The following PLEKHH2 variants were observed in gnomAD, a reference collection of about 807,000 sequenced individuals.
The protein encoded by PLEKHH2 is pleckstrin homology, MyTH4 and FERM domain containing H2.
Under a neutral mutation model 187.9 loss-of-function variants are expected in PLEKHH2, and 129 were observed. That is an observed-to-expected ratio of 0.69 (90% CI 0.59 to 0.79). The LOEUF is 0.79. Ranked by LOEUF, PLEKHH2 falls within the 30% of genes least tolerant of loss-of-function variation. The pLI is 0.00. For missense variants in PLEKHH2, 2,076 were observed against 1,751.2 expected (o/e 1.19, Z -3.31); for synonymous variants, 686 against 605.6 (o/e 1.13, Z -1.95).
Position 43,700,074 on chromosome 2 carries a change from T to C in PLEKHH2, c.1116T>C (p.Ser372=), listed in dbSNP as rs1669281942. 6.2e-7 allele frequency: 1 copy of C among 1,614,052 alleles called. No homozygotes were observed. Among genetic ancestry groups the C allele is most frequent in the South Asian group, 1.1e-5 (1 of 91,088 alleles). ...ATAGTCCTCTTGGAAAGGGAAATTC[T>C]GAATTAAGTAAAAAGGAACAAGATA... The part of the protein sequence containing the change: ...ALNSPLGKGN[S]ELSKKEQDSS... Residue 372 remains serine, a synonymous_variant, in exon 8 of 30, where the codon TCT becomes TCC. Coordinates refer to ENST00000282406, the MANE Select transcript of PLEKHH2 (RefSeq NM_172069.4).
At chr2:43,764,951 C>T (rs1471185183) in intron 29 of PLEKHH2, among the ~76,000 whole-genome samples, 1 of 152,238 alleles carries the variant, frequency 6.6e-6, no homozygotes, top group African/African-American at 2.4e-5. Context: ...AAAGAAATTA[C>T]TTCTTCGGAA....
Position 43,710,023 on chromosome 2 carries a change from A to G in PLEKHH2, c.2000A>G (p.Asp667Gly), listed in dbSNP as rs769663211. The G allele has an allele frequency of 1.2e-6, 2 of 1,612,698 alleles. No individual in the cohort carries two copies. The highest frequency in any genetic ancestry group is 1.7e-5 in the Admixed American group (1 of 59,770). ...CTCTCCTCTGTGGCTTCTGAAAGTGATTATGCTATTCCTCCTGATGCTTAC... is the reference window on the plus strand; with the variant it reads ...CTCTCCTCTGTGGCTTCTGAAAGTGGTTATGCTATTCCTCCTGATGCTTAC... The part of the protein sequence containing the change: ...VSLSSVASES[D>G]YAIPPDAYST... The change falls in exon 12 of 30, where the codon GAT becomes GGT. Residue 667 changes from aspartate to glycine, a missense_variant. Physicochemically the swap from Asp to Gly is moderately conservative, Grantham distance 94. Transcript: ENST00000282406.
chr2:43,726,474 A>G (rs765253529), intron 17 of PLEKHH2, 23 bp downstream of exon 17: 3 of 1,552,620 alleles, frequency 1.9e-6, no homozygotes, highest in East Asian at 4.5e-5. Flanking sequence ...TTATTGGTTG[A>G]TTTAGAATGA....
chr2:43,717,987 G>A (rs1231905651), intron 15 of PLEKHH2, among the ~76,000 whole-genome samples: 8 of 152,214 alleles, frequency 5.3e-5, no homozygotes, highest in Non-Finnish European at 1.0e-4. Context: ...GAATGCTACA[G>A]GGATGGGCTT....
chr2:43,651,804 T>G (rs908110259), intron 2 of PLEKHH2, among the ~76,000 whole-genome samples: 19 of 152,220 alleles, frequency 1.2e-4, no homozygotes, highest in Admixed American at 7.9e-4. Flanking sequence ...TGTGAAATAA[T>G]GTATTTGAAA....
Position 43,700,407 on chromosome 2 carries a change from A to T in PLEKHH2, c.1449A>T (p.Arg483Ser). The T allele has an allele frequency of 6.2e-7, 1 of 1,614,132 alleles. No homozygotes were observed. The highest frequency in any genetic ancestry group is 8.5e-7 in the Non-Finnish European group (1 of 1,180,024). ...RNAISMIRPL[R>S]PQETDLDLVD... ...CTATAAGCATGATACGACCACTGAGACCTCAGGAAACTGATCTTGATCTAG... is the reference window on the plus strand; with the variant it reads ...CTATAAGCATGATACGACCACTGAGTCCTCAGGAAACTGATCTTGATCTAG... The change falls in exon 8 of 30, where the codon AGA becomes AGT. Residue 483 changes from arginine (R) to serine (S), a missense_variant. Coordinates refer to ENST00000282406, the MANE Select transcript of PLEKHH2 (RefSeq NM_172069.4).
chr2:43,644,629 T>G (rs1666100112), intron 1 of PLEKHH2, 42 bp from the exon 2 acceptor site: 2 of 1,412,876 alleles, frequency 1.4e-6, no homozygotes, highest in Non-Finnish European at 1.9e-6. Flanking sequence ...CATTTGAATG[T>G]TTTACTTTTT....
chr2:43,653,182 T>C (rs6544684), intron 2 of PLEKHH2, among the ~76,000 whole-genome samples: 97,596 of 151,908 alleles, frequency 0.64, 32,146 homozygotes, highest in African/African-American at 0.77. Flanking sequence ...CCAAGTTGAA[T>C]GTGTCTACCA....
At chr2:43,761,579 T>TC (rs1243602162) in intron 27 of PLEKHH2, among the ~76,000 whole-genome samples, 2 of 151,912 alleles carry the variant, frequency 1.3e-5, no homozygotes, top group Non-Finnish European at 2.9e-5. Flanking sequence ...CCCAGCTGAT[T>TC]TTTGTGTCTT....
At chr2:43,734,702 A>G (rs1671205790) in intron 19 of PLEKHH2, among the ~76,000 whole-genome samples, 2 of 152,268 alleles carry the variant, frequency 1.3e-5, no homozygotes, top group South Asian at 4.1e-4. Flanking sequence ...AGGTTCCTCA[A>G]AAAACTAAAA....
intron 2 of PLEKHH2, among the ~76,000 whole-genome samples, chr2:43,673,153 T>A (rs1217924145): frequency 6.6e-6 from 1 of 152,190 alleles, no homozygotes; most frequent in East Asian, 1.9e-4. Context: ...CTTTCATGGT[T>A]GTCAACTCAG....
rs1448583062 is a variant in PLEKHH2 at position 43,738,611 on chromosome 2, A to G, written c.3123+91A>G. On this transcript the variant is annotated intron_variant, in intron 20 of 29. Coordinates refer to ENST00000282406, the MANE Select transcript of PLEKHH2 (RefSeq NM_172069.4). ...ATACACATTCAGCATAGACATTTGG[A>G]GAATACAAAAAGTGCAGAAGGAAAA... is the stretch of plus-strand genomic sequence containing the variant. The G allele has an allele frequency of 1.1e-5, 14 of 1,285,410 alleles. No individual in the cohort carries two copies. The East Asian group carries it at 1.7e-4, about 15-fold the overall frequency. The allele number at this position is 1,285,410 out of a possible 1,614,324, so 79.6% of individuals were successfully genotyped here. A position where few individuals can be genotyped will look rare whatever the true frequency, so the allele number is the denominator to read the frequency against.
intron 25 of PLEKHH2, among the ~76,000 whole-genome samples, chr2:43,754,165 T>TACACAC (rs373399236): frequency 1.7e-3 from 200 of 118,080 alleles, no homozygotes; most frequent in Non-Finnish European, 2.5e-3. Flanking sequence ...TTCAATCTTC[T>TACACAC]ACACACACAC....
chr2:43,712,508 G>C (rs186103457), intron 15 of PLEKHH2, 125 bp downstream of exon 15: 6 of 1,172,602 alleles, frequency 5.1e-6, no homozygotes, highest in East Asian at 6.0e-5. Flanking sequence ...GATAGGAAAG[G>C]GTGTTTTTAA....
chr2:43,736,939 C>A (rs6753626), intron 19 of PLEKHH2, among the ~76,000 whole-genome samples: 2 of 151,896 alleles, frequency 1.3e-5, no homozygotes, highest in African/African-American at 4.8e-5. Context: ...TGTGTATGTG[C>A]GGAAAGTACC....
At chr2:43,725,301 A>G (rs886634370) in intron 16 of PLEKHH2, among the ~76,000 whole-genome samples, 1 of 152,096 alleles carries the variant, frequency 6.6e-6, no homozygotes, top group African/African-American at 2.4e-5. Flanking sequence ...CACCCCCTCT[A>G]GTCTGCTTTT....
intron 1 of PLEKHH2, among the ~76,000 whole-genome samples, chr2:43,640,735 A>G (rs1187097963): frequency 6.6e-6 from 1 of 151,954 alleles, no homozygotes; most frequent in African/African-American, 2.4e-5. Context: ...CTTTGGATAA[A>G]TCTCTATTCA....
chr2:43,642,436 G>A (rs761794050), intron 1 of PLEKHH2, among the ~76,000 whole-genome samples: 4 of 152,080 alleles, frequency 2.6e-5, no homozygotes, highest in Admixed American at 6.5e-5. Context: ...ATTTCTTCCT[G>A]TCCAATCTAG....
Position 43,700,016 on chromosome 2 carries a change from C to A in PLEKHH2, c.1058C>A (p.Ser353Tyr). 1 of 1,614,148 alleles carries A rather than the reference C, an allele frequency of 6.2e-7. No individual in the cohort carries two copies. The highest frequency in any genetic ancestry group is 8.5e-7 in the Non-Finnish European group (1 of 1,180,028). Reference sequence around the variant, plus strand: ...AGACCAGAACACAAGAAGCTATATTCTTGGCAGCAGGAGGCACAGTGGAAA... The same window carrying A: ...AGACCAGAACACAAGAAGCTATATTATTGGCAGCAGGAGGCACAGTGGAAA... ...IKRPEHKKLY[S>Y]WQQEAQWKAL... Residue 353 changes from serine to tyrosine, a missense_variant, in exon 8 of 30, where the codon TCT becomes TAT. Coordinates refer to ENST00000282406, the MANE Select transcript of PLEKHH2 (RefSeq NM_172069.4).
Sources: gnomAD v4.1 joint callset for allele counts (sites outside exome capture counted in the v4.1 genomes callset) on GRCh38, gnomAD v4.1.1 for gene constraint, MANE v1.5 for transcripts, NCBI Gene and HGNC (gene_info 2026-07-23, HGNC 2026-07-21) for gene names.